KCNH1: variants seen among roughly 807,000 people sequenced by gnomAD.
KCNH1 encodes potassium voltage-gated channel subfamily H member 1.
Under a neutral mutation model 69.2 loss-of-function variants are expected in KCNH1, and 27 were observed. The observed-to-expected ratio is 0.39, with a 90% CI of 0.29 to 0.54. The LOEUF (loss-of-function observed/expected upper bound fraction) is 0.54. Among genes scored for constraint, KCNH1 ranks in the 20% least tolerant of loss-of-function variants. The pLI is 0.68. For synonymous variants in KCNH1, 456 were observed against 487.7 expected, an observed-to-expected ratio of 0.93 and a Z score of 0.86; for missense variants, 798 against 1,261.6, an observed-to-expected ratio of 0.63 and a Z score of 5.57.
chr1:211,104,307 CT>C (rs1349696926), intron 2 of KCNH1, among the ~76,000 whole-genome samples: 1 of 152,144 alleles, frequency 6.6e-6, no homozygotes, highest in African/African-American at 2.4e-5. Context: ...AGAAATACAA[CT>C]CTGGGAGACT....
At chr1:210,885,743 C>T (rs1331754057) in intron 7 of KCNH1, among the ~76,000 whole-genome samples, 1 of 152,174 alleles carries the variant, frequency 6.6e-6, no homozygotes, top group Non-Finnish European at 1.5e-5. Flanking sequence ...CTTGAGTAGG[C>T]TACTTTCCCC....
intron 6 of KCNH1, among the ~76,000 whole-genome samples, chr1:210,984,150 T>C (rs1018025309): frequency 2.0e-5 from 3 of 152,234 alleles, no homozygotes; most frequent in Non-Finnish European, 4.4e-5. Context: ...AAGTTGTCTA[T>C]CAGCTTAAGG....
At chr1:210,903,501 A>G (rs1181661761) in intron 7 of KCNH1, among the ~76,000 whole-genome samples, 2 of 152,210 alleles carry the variant, frequency 1.3e-5, no homozygotes, top group African/African-American at 2.4e-5. Context: ...TATGTATTTC[A>G]TTATATCAAC....
Position 211,048,074 on chromosome 1 carries a change from T to C in KCNH1, c.559-28818A>G, listed in dbSNP as rs372157043. 5.3e-5 allele frequency among the ~76,000 whole-genome samples: 8 copies of C among 152,212 alleles called. No homozygotes were observed. In the East Asian group the frequency reaches 1.5e-3, roughly 29 times the overall value. On this transcript the variant is annotated intron_variant, in intron 5 of 10. Coordinates refer to ENST00000271751, the MANE Select transcript of KCNH1 (RefSeq NM_172362.3). Reference sequence around the variant, plus strand: ...AATATGCAAATGGCCAACAGACATATTAAAAAATGCTCAACATCACAAATT... The same window carrying C: ...AATATGCAAATGGCCAACAGACATACTAAAAAATGCTCAACATCACAAATT...
At position 210,797,427 on chromosome 1, in the gene KCNH1, G is replaced by T. The variant is rs559574200; in HGVS notation, c.1915+81C>A. On this transcript the variant is annotated intron_variant, in intron 9 of 10. Transcript: ENST00000271751. Reference sequence around the variant, plus strand: ...CTGCCCTATGAAGCAATCTCTAACTGAAGGTGGCAGTGGCATTGAGCTGCC... The same window carrying T: ...CTGCCCTATGAAGCAATCTCTAACTTAAGGTGGCAGTGGCATTGAGCTGCC... 1.2e-4 allele frequency: 178 copies of T among 1,481,190 alleles called. 2 individuals are homozygous for T. The Middle Eastern group carries it at 4.3e-3, about 36-fold the overall frequency. The allele number at this position is 1,481,190 out of a possible 1,614,324, so 91.8% of individuals were successfully genotyped here. A position where few individuals can be genotyped will look rare whatever the true frequency, so the allele number is the denominator to read the frequency against.
chr1:211,051,809 G>A (rs556259860), intron 5 of KCNH1, among the ~76,000 whole-genome samples: 1 of 152,160 alleles, frequency 6.6e-6, no homozygotes. Flanking sequence ...AGGATAAGTA[G>A]TATTATACTT....
chr1:210,971,265 T>C (rs958517758), intron 6 of KCNH1, among the ~76,000 whole-genome samples: 12 of 152,248 alleles, frequency 7.9e-5, no homozygotes, highest in Non-Finnish European at 1.3e-4. Context: ...CGATGTTTTA[T>C]ATGTAGCATT....
intron 9 of KCNH1, among the ~76,000 whole-genome samples, chr1:210,784,935 C>T (rs551503312): frequency 1.4e-4 from 21 of 152,134 alleles, no homozygotes; most frequent in Non-Finnish European, 2.2e-4. Context: ...TTTGTGTTAC[C>T]ATCTCTCTCC....
chr1:210,954,749 G>GTTGT (rs1301784713), intron 6 of KCNH1, among the ~76,000 whole-genome samples: 1 of 150,898 alleles, frequency 6.6e-6, no homozygotes, highest in Admixed American at 6.6e-5. Flanking sequence ...TTTTGATGGG[G>GTTGT]TTGTTTTTTT....
chr1:210,978,369 G>C (rs1688653315), intron 6 of KCNH1, among the ~76,000 whole-genome samples: 1 of 152,090 alleles, frequency 6.6e-6, no homozygotes, highest in Non-Finnish European at 1.5e-5. Flanking sequence ...GTTGCATGTA[G>C]TTTCTTGAAC....
intron 10 of KCNH1, among the ~76,000 whole-genome samples, chr1:210,691,881 G>C (rs1681535126): frequency 6.6e-6 from 1 of 152,228 alleles, no homozygotes. Flanking sequence ...TGGCTTATTG[G>C]AAAATCCTGC....
intron 10 of KCNH1, among the ~76,000 whole-genome samples, chr1:210,772,151 C>T (rs1683763986): frequency 6.6e-6 from 1 of 152,132 alleles, no homozygotes; most frequent in Non-Finnish European, 1.5e-5. Flanking sequence ...GCTCTGTGAC[C>T]TTTCTATAAA....
chr1:210,686,201 G>A (rs1471037352), intron 10 of KCNH1, among the ~76,000 whole-genome samples: 2 of 152,182 alleles, frequency 1.3e-5, no homozygotes, highest in Non-Finnish European at 2.9e-5. Flanking sequence ...GCCTCATGGG[G>A]GATGGGAAAG....
chr1:211,114,462 A>G lies in KCNH1; in HGVS notation c.80-7085T>C, dbSNP rs554127038. ...TAGATCTGTTAAATAAAATAAAGAAATAAGCCTATGTATGTCTGAGTAAAT... is the reference window on the plus strand; with the variant it reads ...TAGATCTGTTAAATAAAATAAAGAAGTAAGCCTATGTATGTCTGAGTAAAT... On this transcript the variant is annotated intron_variant, in intron 1 of 10. Coordinates refer to ENST00000271751, the MANE Select transcript of KCNH1 (RefSeq NM_172362.3). Among the ~76,000 whole-genome samples the G allele has an allele frequency of 2.0e-5, 3 of 152,360 alleles. No individual in the cohort carries two copies. In the South Asian group the frequency reaches 6.2e-4, roughly 32 times the overall value.
chr1:210,763,151 AAGT>A (rs1683556217), intron 10 of KCNH1, among the ~76,000 whole-genome samples: 1 of 152,182 alleles, frequency 6.6e-6, no homozygotes, highest in Non-Finnish European at 1.5e-5. Context: ...GATGCAGAAA[AAGT>A]AGTCAATACA....
intron 6 of KCNH1, among the ~76,000 whole-genome samples, chr1:210,969,871 C>T (rs528042705): frequency 3.2e-4 from 49 of 152,062 alleles, no homozygotes; most frequent in African/African-American, 1.2e-3. Context: ...TAAGTAATGT[C>T]TTAGCCTCAT....
At chr1:211,040,059 C>G (rs375449393) in intron 5 of KCNH1, among the ~76,000 whole-genome samples, 5 of 151,904 alleles carry the variant, frequency 3.3e-5, no homozygotes, top group African/African-American at 1.2e-4. Context: ...GGCGTGGTGG[C>G]GGGCGCCTGT....
intron 7 of KCNH1, among the ~76,000 whole-genome samples, chr1:210,808,493 T>C (rs891464084): frequency 6.6e-6 from 1 of 152,176 alleles, no homozygotes; most frequent in Non-Finnish European, 1.5e-5. Context: ...ATTACTATTA[T>C]GAAATATTAT....
intron 7 of KCNH1, chr1:210,861,502 T>C (rs1018332529): frequency 1.0e-5 from 8 of 774,300 alleles, no homozygotes; most frequent in East Asian, 2.4e-5. Context: ...ACTTCTTGCA[T>C]TTCCATTATG....
Sources: allele counts gnomAD v4.1 joint callset (sites outside exome capture counted in the v4.1 genomes callset), GRCh38; gene constraint gnomAD v4.1.1; transcripts MANE v1.5; gene names NCBI Gene and HGNC (gene_info 2026-07-23, HGNC 2026-07-21).